AADAT: variants seen among roughly 807,000 people sequenced by gnomAD.
AADAT encodes the protein aminoadipate aminotransferase.
In AADAT, 25 loss-of-function variants were observed where a neutral mutation model predicts 56.2. That is an observed-to-expected ratio of 0.44 (90% confidence interval 0.32 to 0.62). AADAT has a LOEUF of 0.62. Among genes scored for constraint, AADAT ranks in the 20% least tolerant of loss-of-function variants. The probability of loss-of-function intolerance (pLI) is 0.04; values close to 1 mark genes in which losing one functional copy is unlikely to be tolerated. For synonymous variants in AADAT, 173 were observed against 164.7 expected (o/e 1.05, Z -0.39); for missense variants, 387 against 510.5 (o/e 0.76, Z 2.33).
At chr4:170,066,624 C>G (rs1731476142) in intron 9 of AADAT, 146 bp from the exon 10 acceptor site, 2 of 610,080 alleles carry the variant, frequency 3.3e-6, no homozygotes, top group South Asian at 4.4e-5. Context: ...ATATTTGTTT[C>G]ACTTGTCTGG....
At chr4:170,081,825 C>T (rs1732331011) in intron 3 of AADAT, among the ~76,000 whole-genome samples, 1 of 152,198 alleles carries the variant, frequency 6.6e-6, no homozygotes, top group Non-Finnish European at 1.5e-5. Flanking sequence ...CAGGCGTGAG[C>T]TACCATTCCC....
rs200677642 is a variant in AADAT, at chr4:170,088,436, C to G, written c.196G>C (p.Glu66Gln). 4.7e-5 allele frequency: 76 copies of G among 1,612,468 alleles called. No homozygotes were observed. The highest frequency in any genetic ancestry group is 6.1e-5 in the Non-Finnish European group (72 of 1,178,614). Residue 66 changes from glutamate (E) to glutamine (Q), a missense_variant, in exon 2 of 13, where the codon GAG becomes CAG. Transcript: ENST00000337664. Reference sequence around the variant, plus strand: ...TACTGAAGTGCTCTCTTCATCATCTCTTCTCCAAATTGGATGGTCTTTCCA... The same window carrying G: ...TACTGAAGTGCTCTCTTCATCATCTGTTCTCCAAATTGGATGGTCTTTCCA... Reference protein sequence around the residue: ...ENGKTIQFGEEMMKRALQYSP... With the variant: ...ENGKTIQFGEQMMKRALQYSP...
chr4:170,093,152 G>A (rs1732918324), upstream of AADAT, among the ~76,000 whole-genome samples: 1 of 152,134 alleles, frequency 6.6e-6, no homozygotes, highest in Non-Finnish European at 1.5e-5. Flanking sequence ...ACTTTGGCCA[G>A]GAGGTGTGGT....
At chr4:170,066,325 C>T (rs988457870) in intron 10 of AADAT, 89 bp downstream of exon 10, 4 of 1,142,548 alleles carry the variant, frequency 3.5e-6, no homozygotes, top group Non-Finnish European at 5.3e-6. Context: ...GTTTCTTTTC[C>T]ACCAGGATTG....
chr4:170,060,756 C>T lies in AADAT; in HGVS notation c.*172G>A. 1 of 411,508 alleles carries T rather than the reference C, an allele frequency of 2.4e-6. No homozygotes were observed. The highest frequency in any genetic ancestry group is 3.6e-5 in the East Asian group (1 of 27,442). The allele number at this position is 411,508 out of a possible 1,614,324, so 25.5% of individuals were successfully genotyped here. ...TGATTTCTTTCTCTTTTTTTAGAGA[C>T]AGGGTCTTGTTCTGCCATGCAGGCC... On this transcript the variant is annotated 3_prime_UTR_variant, in exon 13 of 13. Transcript: ENST00000337664.
chr4:170,061,231 T>C (rs1290623373), intron 12 of AADAT, among the ~76,000 whole-genome samples: 1 of 152,196 alleles, frequency 6.6e-6, no homozygotes, highest in Non-Finnish European at 1.5e-5. Flanking sequence ...ATTTTATCCA[T>C]AACATGGATT....
chr4:170,092,429 A>G (rs1483193367), upstream of AADAT, among the ~76,000 whole-genome samples: 1 of 152,252 alleles, frequency 6.6e-6, no homozygotes, highest in Admixed American at 6.5e-5. Context: ...TGAGACCACG[A>G]ACCCACCAGA....
intron 3 of AADAT, among the ~76,000 whole-genome samples, chr4:170,084,480 A>G (rs544215295): frequency 6.6e-6 from 1 of 152,330 alleles, no homozygotes; most frequent in East Asian, 1.9e-4. Flanking sequence ...TATGATTTCT[A>G]CTACAATCAC....
At chr4:170,065,895 AT>A (rs1409099448) in intron 10 of AADAT, among the ~76,000 whole-genome samples, 1 of 152,234 alleles carries the variant, frequency 6.6e-6, no homozygotes, top group Non-Finnish European at 1.5e-5. Context: ...TATCAAAGGC[AT>A]TTTAATAATA....
chr4:170,090,837 T>C (rs915217420), upstream of AADAT, among the ~76,000 whole-genome samples: 4 of 152,160 alleles, frequency 2.6e-5, no homozygotes, highest in African/African-American at 9.7e-5. Flanking sequence ...TCTTTAATGG[T>C]TATTAAAATG....
At chr4:170,080,651 C>T (rs1051605767) in intron 3 of AADAT, among the ~76,000 whole-genome samples, 7 of 152,272 alleles carry the variant, frequency 4.6e-5, no homozygotes, top group Admixed American at 4.6e-4. Context: ...CTTTTGCTAG[C>T]CATCTCATGC....
intron 5 of AADAT, among the ~76,000 whole-genome samples, chr4:170,072,289 A>ATG (rs561204228): frequency 1.0e-3 from 141 of 139,028 alleles, no homozygotes; most frequent in Non-Finnish European, 1.4e-3. Flanking sequence ...GTGTATATAT[A>ATG]TGTGTGTGTG....
At chr4:170,061,850 AACTGCTAGCTAGTGTT>A in intron 12 of AADAT, 26 bp downstream of exon 12, 1 of 1,448,016 alleles carries the variant, frequency 6.9e-7, no homozygotes, top group Non-Finnish European at 9.5e-7. Context: ...AAAAAAACAG[AACTGCTAGCTAGTGTT>A]ACTCTGAGGA....
At chr4:170,092,188 C>T (rs998739667), upstream of AADAT, among the ~76,000 whole-genome samples, 1 of 152,240 alleles carries the variant, frequency 6.6e-6, no homozygotes, top group Non-Finnish European at 1.5e-5. Flanking sequence ...GATACTTTTG[C>T]AGCGTGTGGT....
intron 3 of AADAT, among the ~76,000 whole-genome samples, 156 bp from the exon 4 acceptor site, chr4:170,078,739 T>C (rs1057336099): frequency 6.6e-6 from 1 of 152,188 alleles, no homozygotes; most frequent in Non-Finnish European, 1.5e-5. Flanking sequence ...TTGCGGGTCA[T>C]AGTATCTCTG....
At chr4:170,062,104 TAA>T in intron 11 of AADAT, 111 bp from the exon 12 acceptor site, 1 of 610,400 alleles carries the variant, frequency 1.6e-6, no homozygotes, top group Non-Finnish European at 2.7e-6. Flanking sequence ...TAAAAGCAGT[TAA>T]AGAAATCACA....
At chr4:170,074,764 T>C (rs1347867446) in intron 4 of AADAT, among the ~76,000 whole-genome samples, 1 of 152,078 alleles carries the variant, frequency 6.6e-6, no homozygotes, top group African/African-American at 2.4e-5. Flanking sequence ...TACAGTAGAA[T>C]TTCCATATTT....
intron 5 of AADAT, among the ~76,000 whole-genome samples, chr4:170,071,623 T>C (rs570906426): frequency 2.0e-5 from 3 of 152,220 alleles, no homozygotes; most frequent in Non-Finnish European, 4.4e-5. Context: ...CCGGGCTTTA[T>C]ACTGACATTT....
At chr4:170,078,733 G>A (rs1732158107) in intron 3 of AADAT, 150 bp from the exon 4 acceptor site, 5 of 447,514 alleles carry the variant, frequency 1.1e-5, no homozygotes, top group East Asian at 3.5e-5. Context: ...AACACTTTGC[G>A]GGTCATAGTA....
Sources: gnomAD v4.1 joint callset for allele counts (sites outside exome capture counted in the v4.1 genomes callset) on GRCh38, gnomAD v4.1.1 for gene constraint, MANE v1.5 for transcripts, NCBI Gene and HGNC (gene_info 2026-07-23, HGNC 2026-07-21) for gene names.